Variants in SPMAP2L observed in about 807,000 individuals in gnomAD.
The protein encoded by SPMAP2L is sperm microtubule associated protein 2 like, also known as sperm microtubule associated protein 2-like.
At chr4:56,548,748 C>G in the SPMAP2L span, 1 of 1,371,234 alleles carries the variant, frequency 7.3e-7, no homozygotes, top group Non-Finnish European at 9.7e-7. Flanking sequence ...TCTTTGATTC[C>G]TGTTGAATCT....
the SPMAP2L span, among the ~76,000 whole-genome samples, chr4:56,544,748 C>T: frequency 6.6e-6 from 1 of 152,212 alleles, no homozygotes; most frequent in South Asian, 2.1e-4. Flanking sequence ...CGCGCTCTGG[C>T]TCCGCCGTCT....
At chr4:56,596,612 G>A in the SPMAP2L span, 6 of 1,527,336 alleles carry the variant, frequency 3.9e-6, no homozygotes, top group Non-Finnish European at 4.4e-6. Flanking sequence ...AGACAAAGAA[G>A]TGAACTGCCC....
At chr4:56,582,602 T>C in the SPMAP2L span, among the ~76,000 whole-genome samples, 5 of 152,228 alleles carry the variant, frequency 3.3e-5, no homozygotes, top group African/African-American at 9.6e-5. Flanking sequence ...AAAACCCTTA[T>C]ACATTTCTGG....
chr4:56,590,980 A>G, the SPMAP2L span, among the ~76,000 whole-genome samples: 2 of 152,290 alleles, frequency 1.3e-5, no homozygotes, highest in African/African-American at 4.8e-5. Flanking sequence ...TGAATCTCAC[A>G]ATACCTTGGT....
At chr4:56,571,546 G>C in the SPMAP2L span, among the ~76,000 whole-genome samples, 1 of 151,874 alleles carries the variant, frequency 6.6e-6, no homozygotes, top group Non-Finnish European at 1.5e-5. Flanking sequence ...CAAACTCCTG[G>C]GCTGAAGCAA....
At chr4:56,566,689 CTTTTTCTTTTTT>C in the SPMAP2L span, among the ~76,000 whole-genome samples, 1 of 107,038 alleles carries the variant, frequency 9.3e-6, no homozygotes, top group Non-Finnish European at 1.9e-5. Context: ...TTTTCTTTTT[CTTTTTCTTTTTT>C]TTTTTTTTTT....
At chr4:56,551,968 A>G in the SPMAP2L span, among the ~76,000 whole-genome samples, 3 of 152,204 alleles carry the variant, frequency 2.0e-5, no homozygotes, top group Admixed American at 6.5e-5. Context: ...TAGACGTGAC[A>G]GTTATGTCAC....
At chr4:56,578,968 C>T in the SPMAP2L span, among the ~76,000 whole-genome samples, 1 of 151,756 alleles carries the variant, frequency 6.6e-6, no homozygotes, top group Non-Finnish European at 1.5e-5. Flanking sequence ...AACATACATG[C>T]ACCCAACAGC....
At chr4:56,614,596 G>A in the SPMAP2L span, among the ~76,000 whole-genome samples, 1 of 152,090 alleles carries the variant, frequency 6.6e-6, no homozygotes, top group South Asian at 2.1e-4. Context: ...AGAGGTTGCA[G>A]TGAGCTGAGA....
chr4:56,562,484 T>C, the SPMAP2L span, among the ~76,000 whole-genome samples: 145,117 of 152,192 alleles, frequency 0.95, 69,268 homozygotes, highest in Middle Eastern at 0.97. Flanking sequence ...ATTATCTTCA[T>C]AAGCTGCCAT....
the SPMAP2L span, among the ~76,000 whole-genome samples, chr4:56,612,819 G>T: frequency 6.6e-6 from 1 of 151,528 alleles, no homozygotes; most frequent in Non-Finnish European, 1.5e-5. Context: ...TGCCCACCTC[G>T]GCCTCCCAAA....
At chr4:56,608,539 G>A in the SPMAP2L span, among the ~76,000 whole-genome samples, 3 of 152,162 alleles carry the variant, frequency 2.0e-5, no homozygotes, top group Admixed American at 6.5e-5. Context: ...TTCAAAGCAG[G>A]AGCACAGGGC....
the SPMAP2L span, among the ~76,000 whole-genome samples, chr4:56,569,508 T>C: frequency 3.9e-5 from 6 of 152,146 alleles, no homozygotes; most frequent in Non-Finnish European, 4.4e-5. Context: ...AAGTTTTTTT[T>C]TTAAAAAAAT....
the SPMAP2L span, among the ~76,000 whole-genome samples, chr4:56,569,899 C>A: frequency 6.6e-6 from 1 of 152,108 alleles, no homozygotes; most frequent in Non-Finnish European, 1.5e-5. Flanking sequence ...TTTTAATTTA[C>A]CAAAGTATTT....
chr4:56,538,361 G>A, the SPMAP2L span, among the ~76,000 whole-genome samples: 2 of 152,136 alleles, frequency 1.3e-5, no homozygotes, highest in African/African-American at 4.8e-5. Flanking sequence ...TTCTCTCATG[G>A]CTAATTTCTA....
the SPMAP2L span, among the ~76,000 whole-genome samples, chr4:56,563,421 A>C: frequency 6.6e-6 from 1 of 151,840 alleles, no homozygotes; most frequent in Non-Finnish European, 1.5e-5. Flanking sequence ...AAGGCTTTTG[A>C]TGCTCATTAT....
chr4:56,601,103 A>G, the SPMAP2L span: 1 of 1,533,602 alleles, frequency 6.5e-7, no homozygotes, highest in African/African-American at 1.4e-5. Flanking sequence ...GCTAATCCAA[A>G]TAAGAGGTAT....
At chr4:56,536,183 C>T in the SPMAP2L span, among the ~76,000 whole-genome samples, 2 of 152,216 alleles carry the variant, frequency 1.3e-5, no homozygotes, top group African/African-American at 4.8e-5. Context: ...GGAACCCCTG[C>T]TCTAAAGTCC....
chr4:56,570,891 C>G, the SPMAP2L span, among the ~76,000 whole-genome samples: 3 of 151,974 alleles, frequency 2.0e-5, no homozygotes, highest in Admixed American at 6.6e-5. Context: ...GCAACCTCCC[C>G]CTCCCGGGTT....
Sources: gnomAD v4.1 joint callset for allele counts (sites outside exome capture counted in the v4.1 genomes callset) on GRCh38, gnomAD v4.1.1 for gene constraint, MANE v1.5 for transcripts, NCBI Gene and HGNC (gene_info 2026-07-23, HGNC 2026-07-21) for gene names.